Variants in ABLIM2 observed in about 807,000 individuals in gnomAD.
ABLIM2 encodes actin-binding LIM protein 2.
A neutral mutation model predicts 97.7 loss-of-function variants in ABLIM2; 53 were observed. That is an observed-to-expected ratio of 0.54 (90% CI 0.44 to 0.68). The LOEUF (loss-of-function observed/expected upper bound fraction) is 0.68. Ranked by LOEUF, ABLIM2 falls within the 30% of genes least tolerant of loss-of-function variation. ABLIM2 has a pLI of 0.00. For synonymous variants in ABLIM2, 361 were observed against 345.8 expected (o/e 1.04, Z -0.49); for missense variants, 835 against 867.2 (o/e 0.96, Z 0.47).
At chr4:8,099,368 G>A (rs191005921) in intron 2 of ABLIM2, among the ~76,000 whole-genome samples, 78 of 152,272 alleles carry the variant, frequency 5.1e-4, no homozygotes, top group Admixed American at 1.5e-3. Flanking sequence ...AAGACGTGAC[G>A]GCGTGAGCTG....
chr4:8,131,739 CAGCACAGCAGCCCGCATCCCTG>C (rs1450901707), intron 1 of ABLIM2, among the ~76,000 whole-genome samples: 2 of 86,726 alleles, frequency 2.3e-5, no homozygotes, highest in East Asian at 3.4e-4. Context: ...CCCGCATCCC[CAGCACAGCAGCCCGCATCCCTG>C]AGCACAGCAG....
chr4:7,968,141 C>T lies in ABLIM2; in HGVS notation c.1825-1038G>A, dbSNP rs1218053797. ...CTTTGCTCCCCTCGCCTCGCCTGGG[C>T]GGGGCTGAGAGGAGGAACTGGAAAG... On this transcript the variant is annotated intron_variant, in intron 20 of 20. Coordinates refer to ENST00000447017, the MANE Select transcript of ABLIM2 (RefSeq NM_001130083.2). Among the ~76,000 whole-genome samples, 42 of 152,210 alleles carry T rather than the reference C, an allele frequency of 2.8e-4. 1 individual carries two copies. The highest frequency in any genetic ancestry group is 2.6e-3 in the Admixed American group (39 of 15,286).
chr4:8,109,914 G>C (rs1041114195), intron 1 of ABLIM2, among the ~76,000 whole-genome samples: 1 of 152,262 alleles, frequency 6.6e-6, no homozygotes, highest in Non-Finnish European at 1.5e-5. Context: ...TCCACAGCAG[G>C]CTTGTCCCAC....
rs113358839 is a variant in ABLIM2 at position 7,996,125 on chromosome 4, G to T, written c.1619-3198C>A. ...CCTTATCAGCAAAGGTGCTAGAGGG[G>T]TGGTTCTCAAACTGGCATCCCCAGC... On this transcript the variant is annotated intron_variant, in intron 16 of 20. Coordinates refer to ENST00000447017, the MANE Select transcript of ABLIM2 (RefSeq NM_001130083.2). The surrounding 1 kb of genome is among the most constrained non-coding windows in gnomAD (Gnocchi z 4.5). Among the ~76,000 whole-genome samples the T allele has an allele frequency of 0.038, 5,859 of 152,262 alleles. 326 individuals are homozygous for T. The highest frequency in any genetic ancestry group is 0.12 in the African/African-American group (5,098 of 41,520).
In ABLIM2 at chr4:8,015,329, G is replaced by A. The variant is rs557423853; in HGVS notation, c.1423+4289C>T. On this transcript the variant is annotated intron_variant, in intron 14 of 20. Transcript: ENST00000447017. This position sits in a 1 kb window ranked among gnomAD's most constrained non-coding sequence, Gnocchi z 4.6. ...CAGTTCCTTCAGAGCCCCAAAATGC[G>A]TCGGCCATGAGGAACCCTCTAGGGA... Among the ~76,000 whole-genome samples the A allele has an allele frequency of 5.2e-4, 79 of 152,090 alleles. No homozygotes were observed. Among genetic ancestry groups the A allele is most frequent in the African/African-American group, 1.6e-3 (68 of 41,496 alleles).
At chr4:8,031,811 G>A (rs566463018) in intron 10 of ABLIM2, among the ~76,000 whole-genome samples, 5 of 150,664 alleles carry the variant, frequency 3.3e-5, no homozygotes, top group African/African-American at 4.9e-5. Flanking sequence ...TGCAACCTCC[G>A]TCTTCCGGGT....
intron 8 of ABLIM2, among the ~76,000 whole-genome samples, chr4:8,048,730 CACT>C (rs1158909835): frequency 3.9e-5 from 6 of 152,214 alleles, no homozygotes; most frequent in Admixed American, 2.6e-4. Context: ...CAGTAGCCAC[CACT>C]GAGGCCTCAG....
At chr4:8,016,342 C>G (rs1324284509) in intron 14 of ABLIM2, among the ~76,000 whole-genome samples, 1 of 152,172 alleles carries the variant, frequency 6.6e-6, no homozygotes, top group Non-Finnish European at 1.5e-5. Flanking sequence ...CTGTGCCTGG[C>G]CGGTCATGAA....
In ABLIM2 at chr4:8,095,337, C is replaced by A. The variant is rs1011170376; in HGVS notation, c.338+1762G>T. ...CAGGCTGATCTTGAACTCCCAGCCT[C>A]AAGTGATCCTCGCACCTCGGCCTCC... On this transcript the variant is annotated intron_variant, in intron 3 of 20. Coordinates refer to ENST00000447017, the MANE Select transcript of ABLIM2 (RefSeq NM_001130083.2). The surrounding 1 kb of genome is among the most constrained non-coding windows in gnomAD (Gnocchi z 4.7). Among the ~76,000 whole-genome samples, 9 of 152,178 alleles carry A rather than the reference C, an allele frequency of 5.9e-5. No individual in the cohort carries two copies. The highest frequency in any genetic ancestry group is 1.3e-4 in the Non-Finnish European group (9 of 68,026).
intron 1 of ABLIM2, among the ~76,000 whole-genome samples, chr4:8,131,065 T>C (rs1291218776): frequency 6.6e-6 from 1 of 152,188 alleles, no homozygotes; most frequent in Non-Finnish European, 1.5e-5. Flanking sequence ...TTAGAATAAC[T>C]GTGATGGCAC....
At chr4:8,060,681 C>A (rs1178486456) in intron 7 of ABLIM2, among the ~76,000 whole-genome samples, 2 of 152,228 alleles carry the variant, frequency 1.3e-5, no homozygotes. Flanking sequence ...AGCTTTGCTA[C>A]TTGGAGCCAA....
At chr4:8,000,668 G>A (rs866719849) in intron 16 of ABLIM2, among the ~76,000 whole-genome samples, 1 of 152,132 alleles carries the variant, frequency 6.6e-6, no homozygotes, top group Non-Finnish European at 1.5e-5. Context: ...AATGAATGCT[G>A]GGTCCCAGGA....
In ABLIM2 at chr4:7,996,895, G is replaced by A. The variant is rs564155613; in HGVS notation, c.1619-3968C>T. Among the ~76,000 whole-genome samples the A allele has an allele frequency of 2.4e-4, 37 of 151,824 alleles. No homozygotes were observed. The South Asian group carries it at 7.7e-3, about 32-fold the overall frequency. Reference sequence around the variant, plus strand: ...TGTTTCCCCTCTGTTTTTTCTCTCTGGTTGCTTTCAACATTTTTTTCTTTG... The same window carrying A: ...TGTTTCCCCTCTGTTTTTTCTCTCTAGTTGCTTTCAACATTTTTTTCTTTG... On this transcript the variant is annotated intron_variant, in intron 16 of 20. Coordinates refer to ENST00000447017, the MANE Select transcript of ABLIM2 (RefSeq NM_001130083.2). The surrounding 1 kb of genome is among the most constrained non-coding windows in gnomAD (Gnocchi z 4.5).
At chr4:8,076,300 C>T (rs1450882477) in intron 6 of ABLIM2, among the ~76,000 whole-genome samples, 5 of 152,236 alleles carry the variant, frequency 3.3e-5, no homozygotes, top group African/African-American at 9.6e-5. Context: ...AGCCACTCTG[C>T]GCTCACTGTT....
At position 8,043,861 on chromosome 4, in the gene ABLIM2, G is replaced by T. The variant is rs569454687; in HGVS notation, c.900+1303C>A. ...TGAGCCCTGGACCGAAGGTGCCTGG[G>T]GGTCTCCGTGGATTACTGAGGGGCT... On this transcript the variant is annotated intron_variant, in intron 9 of 20. Coordinates refer to ENST00000447017, the MANE Select transcript of ABLIM2 (RefSeq NM_001130083.2). This position sits in a 1 kb window ranked among gnomAD's most constrained non-coding sequence, Gnocchi z 4.8. 6.6e-6 allele frequency among the ~76,000 whole-genome samples: 1 copy of T among 152,222 alleles called. No homozygotes were observed. Among genetic ancestry groups the T allele is most frequent in the Non-Finnish European group, 1.5e-5 (1 of 68,038 alleles).
chr4:8,145,234 A>C (rs1851602119), intron 1 of ABLIM2, among the ~76,000 whole-genome samples: 1 of 150,500 alleles, frequency 6.6e-6, no homozygotes, highest in Non-Finnish European at 1.5e-5. Context: ...CCCAGGCTGG[A>C]GTGCAGTGGC....
chr4:8,056,305 CTTTT>C (rs71175456), intron 7 of ABLIM2, among the ~76,000 whole-genome samples: 3 of 128,180 alleles, frequency 2.3e-5, no homozygotes, highest in Admixed American at 8.0e-5. Context: ...TTCTTTCTTT[CTTTT>C]TTTTTTTTTT....
chr4:8,019,759 A>G lies in ABLIM2; in HGVS notation c.1370-88T>C, dbSNP rs189606318. The G allele has an allele frequency of 1.1e-3, 1,390 of 1,235,288 alleles. 21 individuals are homozygous for G. The East Asian group carries it at 0.029, about 26-fold the overall frequency. 76.5% of individuals were successfully genotyped at this position (1,235,288 alleles called of 1,614,324 possible). On this transcript the variant is annotated intron_variant, in intron 13 of 20. Transcript: ENST00000447017. The surrounding 1 kb of genome is among the most constrained non-coding windows in gnomAD (Gnocchi z 4.3). Reference sequence around the variant, plus strand: ...TCTGTTCTACAGCTTTTTGTAAGCAACAAGCACTCACCCAGATTTAGAATC... The same window carrying G: ...TCTGTTCTACAGCTTTTTGTAAGCAGCAAGCACTCACCCAGATTTAGAATC...
intron 8 of ABLIM2, among the ~76,000 whole-genome samples, chr4:8,048,160 T>C (rs1196121650): frequency 6.6e-6 from 1 of 152,236 alleles, no homozygotes; most frequent in Non-Finnish European, 1.5e-5. Context: ...AGCTCTGCGA[T>C]GGGTGGGGAT....
Sources: allele counts gnomAD v4.1 joint callset (sites outside exome capture counted in the v4.1 genomes callset), GRCh38; gene constraint gnomAD v4.1.1; non-coding constraint Gnocchi (gnomAD v3.1); transcripts MANE v1.5; gene names NCBI Gene and HGNC (gene_info 2026-07-23, HGNC 2026-07-21).